Variants in STXBP5L observed in about 807,000 individuals in gnomAD.
STXBP5L encodes the protein syntaxin-binding protein 5-like.
Under a neutral mutation model 144.5 loss-of-function variants are expected in STXBP5L, and 65 were observed. The observed-to-expected ratio is 0.45, with a 90% CI of 0.37 to 0.55. The LOEUF (loss-of-function observed/expected upper bound fraction) is 0.55. Among genes scored for constraint, STXBP5L ranks in the 20% least tolerant of loss-of-function variants. The probability of loss-of-function intolerance (pLI) is 0.00; values close to 1 mark genes in which losing one functional copy is unlikely to be tolerated. For missense variants in STXBP5L, 1,298 were observed against 1,405.5 expected (o/e 0.92, Z 1.22); for synonymous variants, 505 against 469.6 (o/e 1.08, Z -0.97).
chr3:121,344,285 C>T (rs1212354313), intron 20 of STXBP5L, among the ~76,000 whole-genome samples: 1 of 152,096 alleles, frequency 6.6e-6, no homozygotes, highest in Non-Finnish European at 1.5e-5. Flanking sequence ...AGACCTAAAA[C>T]CATGAAAACC....
intron 3 of STXBP5L, among the ~76,000 whole-genome samples, chr3:121,008,187 T>G (rs569648596): frequency 5.5e-4 from 83 of 152,078 alleles, no homozygotes; most frequent in Non-Finnish European, 9.4e-4. Context: ...CATCGACGCC[T>G]CAATAATAAG....
intron 5 of STXBP5L, among the ~76,000 whole-genome samples, chr3:121,094,654 G>GC (rs2043017648): frequency 6.6e-6 from 1 of 151,890 alleles, no homozygotes; most frequent in Non-Finnish European, 1.5e-5. Flanking sequence ...TTTATTTTGA[G>GC]CCTATGTGTG....
At chr3:121,073,022 G>A (rs1023829375) in intron 5 of STXBP5L, among the ~76,000 whole-genome samples, 13 of 152,156 alleles carry the variant, frequency 8.5e-5, no homozygotes, top group African/African-American at 1.4e-4. Context: ...GGCAGAGGGC[G>A]GGCTTCGGCT....
At chr3:121,131,463 G>A (rs1298415288) in intron 7 of STXBP5L, among the ~76,000 whole-genome samples, 1 of 152,086 alleles carries the variant, frequency 6.6e-6, no homozygotes, top group Non-Finnish European at 1.5e-5. Context: ...ATGCTACATA[G>A]ACTGTTCTTA....
chr3:120,958,806 T>A (rs1477164722), intron 3 of STXBP5L, among the ~76,000 whole-genome samples: 1 of 152,190 alleles, frequency 6.6e-6, no homozygotes, highest in Non-Finnish European at 1.5e-5. Context: ...TTATACTGAA[T>A]GGGCAAAAAC....
At chr3:121,012,610 T>A (rs565904125) in intron 3 of STXBP5L, among the ~76,000 whole-genome samples, 1 of 151,990 alleles carries the variant, frequency 6.6e-6, no homozygotes, top group Admixed American at 6.6e-5. Context: ...GCATTTATTG[T>A]CAGTTTGTAT....
intron 22 of STXBP5L, among the ~76,000 whole-genome samples, chr3:121,396,009 T>C (rs2046721850): frequency 6.6e-6 from 1 of 152,236 alleles, no homozygotes; most frequent in South Asian, 2.1e-4. Flanking sequence ...GATTTTGGCC[T>C]GGAGAAACAC....
chr3:121,328,704 C>T (rs1167604495), intron 20 of STXBP5L, among the ~76,000 whole-genome samples: 7 of 151,850 alleles, frequency 4.6e-5, no homozygotes, highest in African/African-American at 1.5e-4. Context: ...GAGCTGAGAT[C>T]GCACCACTGC....
At chr3:121,398,845 G>A (rs1246195887) in intron 22 of STXBP5L, among the ~76,000 whole-genome samples, 1 of 152,088 alleles carries the variant, frequency 6.6e-6, no homozygotes, top group East Asian at 1.9e-4. Flanking sequence ...CTGATCTGGG[G>A]GCTGTATTCT....
intron 5 of STXBP5L, among the ~76,000 whole-genome samples, chr3:121,089,251 T>A (rs1413664917): frequency 6.6e-6 from 1 of 151,812 alleles, no homozygotes; most frequent in Non-Finnish European, 1.5e-5. Context: ...TATTTTTCTG[T>A]TTAGAAAACT....
chr3:121,276,401 A>C (rs1328415456), intron 18 of STXBP5L, among the ~76,000 whole-genome samples: 1 of 151,998 alleles, frequency 6.6e-6, no homozygotes, highest in African/African-American at 2.4e-5. Flanking sequence ...CTTTAAAGAA[A>C]TGAGAAAAGT....
chr3:121,084,665 C>T (rs768090609), intron 5 of STXBP5L, among the ~76,000 whole-genome samples: 17 of 152,152 alleles, frequency 1.1e-4, no homozygotes, highest in Non-Finnish European at 2.5e-4. Flanking sequence ...CTGCAATAAA[C>T]ATATTCATAC....
At chr3:121,344,872 T>G (rs2044889564) in intron 20 of STXBP5L, among the ~76,000 whole-genome samples, 1 of 151,126 alleles carries the variant, frequency 6.6e-6, no homozygotes, top group African/African-American at 2.4e-5. Context: ...AGGTGACCAT[T>G]AGAAAAATAT....
At chr3:120,978,538 C>G (rs377622280) in intron 3 of STXBP5L, among the ~76,000 whole-genome samples, 2 of 152,230 alleles carry the variant, frequency 1.3e-5, no homozygotes, top group East Asian at 3.8e-4. Flanking sequence ...GCCTTCTTCT[C>G]TCAACTCGTC....
At chr3:120,987,626 A>T (rs1281034660) in intron 3 of STXBP5L, among the ~76,000 whole-genome samples, 3 of 151,876 alleles carry the variant, frequency 2.0e-5, no homozygotes, top group East Asian at 1.9e-4. Context: ...TCAGTTTTTT[A>T]AAAAATAGAT....
At chr3:121,341,222 C>T (rs938921726) in intron 20 of STXBP5L, among the ~76,000 whole-genome samples, 1 of 152,082 alleles carries the variant, frequency 6.6e-6, no homozygotes, top group Non-Finnish European at 1.5e-5. Flanking sequence ...CATTTCTCAA[C>T]ATAAGACATA....
At chr3:120,949,291 G>T (rs1488766017) in intron 2 of STXBP5L, among the ~76,000 whole-genome samples, 1 of 151,888 alleles carries the variant, frequency 6.6e-6, no homozygotes, top group Admixed American at 6.6e-5. Flanking sequence ...ATTTGTTTGA[G>T]TTTCTTGTAG....
chr3:120,973,213 C>T (rs991264947), intron 3 of STXBP5L, among the ~76,000 whole-genome samples: 14 of 152,046 alleles, frequency 9.2e-5, no homozygotes, highest in African/African-American at 3.1e-4. Flanking sequence ...CTTTTATTTT[C>T]GTAGGAGATT....
At chr3:121,342,908 T>C (rs2044778850) in intron 20 of STXBP5L, among the ~76,000 whole-genome samples, 1 of 150,144 alleles carries the variant, frequency 6.7e-6, no homozygotes, top group Non-Finnish European at 1.5e-5. Context: ...TCTAGATCCC[T>C]GAGGAATCGC....
Sources: gnomAD v4.1 joint callset for allele counts (sites outside exome capture counted in the v4.1 genomes callset) on GRCh38, gnomAD v4.1.1 for gene constraint, MANE v1.5 for transcripts, NCBI Gene and HGNC (gene_info 2026-07-23, HGNC 2026-07-21) for gene names.